Variants in SLC10A6 observed in about 807,000 individuals in gnomAD.
SLC10A6 encodes sodium-dependent organic anion transporter.
A neutral mutation model predicts 30.0 loss-of-function variants in SLC10A6; 27 were observed. The ratio of observed to expected loss-of-function variants is 0.90; its 90% CI spans 0.66 to 1.24. SLC10A6 has a LOEUF of 1.24. SLC10A6 is among the 50% of genes most tolerant of loss of function. The pLI is 0.00. For synonymous variants in SLC10A6, 166 were observed against 173.8 expected, an observed-to-expected ratio of 0.95 and a Z score of 0.36; for missense variants, 439 against 457.0, an observed-to-expected ratio of 0.96 and a Z score of 0.36.
In SLC10A6 at chr4:86,837,287, A is replaced by AAAG. The variant is rs1560460369; in HGVS notation, c.378-3864_378-3863insCTT. 4.9e-4 allele frequency among the ~76,000 whole-genome samples: 35 copies of AAAG among 71,938 alleles called. No homozygotes were observed. In the South Asian group the frequency reaches 0.013, roughly 27 times the overall value. The allele number at this position is 71,938 out of a possible 152,430, so 47.2% of individuals were successfully genotyped here. On this transcript the variant is annotated intron_variant, in intron 1 of 5. Transcript: ENST00000273905. Reference sequence around the variant, plus strand: ...AGAAAGAAAGAAAGAAAGAAAGAAAAAGAAAGGAAGGAAGGAAGGAAGGAA... The same window carrying AAAG: ...AGAAAGAAAGAAAGAAAGAAAGAAAAAAGAGAAAGGAAGGAAGGAAGGAAGGAA...
intron 1 of SLC10A6, among the ~76,000 whole-genome samples, chr4:86,837,292 AGGAAGG>A (rs1409804988): frequency 0.046 from 3,758 of 81,644 alleles, 203 homozygotes; most frequent in Non-Finnish European, 0.061. Flanking sequence ...AGAAAAAGAA[AGGAAGG>A]AAGGAAGGAA....
chr4:86,837,039 C>T (rs561576853), intron 1 of SLC10A6, among the ~76,000 whole-genome samples: 5 of 151,606 alleles, frequency 3.3e-5, no homozygotes, highest in East Asian at 1.9e-4. Flanking sequence ...CCACCACGCC[C>T]GGCCATAATA....
chr4:86,835,264 G>C (rs1217685598), intron 1 of SLC10A6, among the ~76,000 whole-genome samples: 2 of 152,208 alleles, frequency 1.3e-5, no homozygotes, highest in Non-Finnish European at 2.9e-5. Flanking sequence ...GAGCAAGTTG[G>C]TTAGGGCAAG....
intron 4 of SLC10A6, among the ~76,000 whole-genome samples, chr4:86,826,793 C>T (rs1397024709): frequency 6.6e-6 from 1 of 152,098 alleles, no homozygotes; most frequent in Non-Finnish European, 1.5e-5. Flanking sequence ...TAAGCAGTTT[C>T]ACGTCTCCAG....
Position 86,849,299 on chromosome 4 carries a change from T to A in SLC10A6, c.-184A>T. 1.5e-6 allele frequency: 1 copy of A among 660,936 alleles called. No individual in the cohort carries two copies. Among genetic ancestry groups the A allele is most frequent in the Non-Finnish European group, 2.5e-6 (1 of 394,594 alleles). The allele number at this position is 660,936 out of a possible 1,614,324, so 40.9% of individuals were successfully genotyped here. ...TTTTTCACAAGTGGCATTATAAAAGTAATTATCACAGGCATGAAACATATA... is the reference window on the plus strand; with the variant it reads ...TTTTTCACAAGTGGCATTATAAAAGAAATTATCACAGGCATGAAACATATA... On this transcript the variant is annotated 5_prime_UTR_variant, in exon 1 of 6. Coordinates refer to ENST00000273905, the MANE Select transcript of SLC10A6 (RefSeq NM_197965.3).
intron 1 of SLC10A6, among the ~76,000 whole-genome samples, chr4:86,846,448 C>G (rs958189122): frequency 3.9e-5 from 6 of 152,064 alleles, no homozygotes; most frequent in Non-Finnish European, 7.4e-5. Context: ...AGCCAGGCGC[C>G]GTGGCTCACG....
At chr4:86,846,793 T>C (rs1267433829) in intron 1 of SLC10A6, among the ~76,000 whole-genome samples, 2 of 152,112 alleles carry the variant, frequency 1.3e-5, no homozygotes, top group Non-Finnish European at 2.9e-5. Flanking sequence ...ATATATACAG[T>C]CTTGTGAGAA....
chr4:86,823,872 T>A lies in SLC10A6; in HGVS notation c.950A>T (p.Asn317Ile), dbSNP rs1291301245. ...AYQTYKRRLK[N>I]KHGKKNSGCT... ...ACCTGAGTTCTTTTTTCCATGTTTG[T>A]TCTTCAATCTCCTCTTGTACGTCTG... The change falls in exon 6 of 6, where the codon AAC (asparagine) becomes ATC (isoleucine). Residue 317 changes from asparagine to isoleucine, a missense_variant. Asn to Ile is a moderately radical substitution (Grantham distance 149, BLOSUM62 -3). Transcript: ENST00000273905. 1.2e-6 allele frequency: 2 copies of A among 1,613,364 alleles called. No individual in the cohort carries two copies.
intron 1 of SLC10A6, among the ~76,000 whole-genome samples, chr4:86,842,358 G>A (rs74705073): frequency 6.6e-6 from 1 of 152,298 alleles, no homozygotes; most frequent in East Asian, 1.9e-4. Flanking sequence ...CCTTACGGAA[G>A]AATGGACCTC....
chr4:86,833,518 G>A (rs944099856), intron 1 of SLC10A6, 94 bp from the exon 2 acceptor site: 5 of 861,556 alleles, frequency 5.8e-6, no homozygotes, highest in Non-Finnish European at 9.6e-6. Context: ...CAATTTCCTA[G>A]AGATTACATG....
chr4:86,844,972 C>T (rs1746368693), intron 1 of SLC10A6, among the ~76,000 whole-genome samples: 1 of 152,174 alleles, frequency 6.6e-6, no homozygotes, highest in African/African-American at 2.4e-5. Context: ...GACCTGATCA[C>T]TTCCCTCCCT....
At chr4:86,837,330 G>GAAGC in intron 1 of SLC10A6, among the ~76,000 whole-genome samples, 1 of 150,006 alleles carries the variant, frequency 6.7e-6, no homozygotes, top group Non-Finnish European at 1.5e-5. Context: ...AGGAAGGAAG[G>GAAGC]AAGGAAGGAA....
chr4:86,828,238 G>A, intron 3 of SLC10A6, 70 bp from the exon 4 acceptor site: 1 of 1,486,526 alleles, frequency 6.7e-7, no homozygotes, highest in Non-Finnish European at 9.0e-7. Flanking sequence ...AGTCCATCAA[G>A]GTTGTAAAAT....
chr4:86,831,800 T>C lies in SLC10A6; in HGVS notation c.577A>G (p.Ile193Val). The change falls in exon 3 of 6, where the codon ATT (isoleucine) becomes GTT (valine). Residue 193 changes from isoleucine (I) to valine (V), a missense_variant. Physicochemically the swap from Ile to Val is conservative, Grantham distance 29. Transcript: ENST00000273905. ...NYRWPKQSKI[I>V]LKIGAVVGGV... ...GCCATGAAGTCACTCACCTTGAGAA[T>C]GATTTTGGATTGTTTTGGCCATCTG... The C allele has an allele frequency of 6.2e-7, 1 of 1,612,678 alleles. No homozygotes were observed. The highest frequency in any genetic ancestry group is 8.5e-7 in the Non-Finnish European group (1 of 1,179,206).
chr4:86,828,529 C>A (rs182583480), intron 3 of SLC10A6, among the ~76,000 whole-genome samples: 1 of 152,058 alleles, frequency 6.6e-6, no homozygotes, highest in Non-Finnish European at 1.5e-5. Context: ...CACCCCTGCA[C>A]ACACCTCTAT....
intron 1 of SLC10A6, among the ~76,000 whole-genome samples, chr4:86,835,257 C>A (rs1258852092): frequency 6.6e-6 from 1 of 152,188 alleles, no homozygotes; most frequent in Non-Finnish European, 1.5e-5. Context: ...GCAGACAGAG[C>A]AAGTTGGTTA....
chr4:86,847,571 C>A (rs1026761656), intron 1 of SLC10A6, among the ~76,000 whole-genome samples: 1 of 151,108 alleles, frequency 6.6e-6, no homozygotes, highest in African/African-American at 2.4e-5. Flanking sequence ...TTTTTCAAAT[C>A]TCTCATAAGT....
chr4:86,824,128 A>T (rs889160920), intron 5 of SLC10A6, among the ~76,000 whole-genome samples: 1 of 152,252 alleles, frequency 6.6e-6, no homozygotes, highest in African/African-American at 2.4e-5. Context: ...AGGCTCATTC[A>T]TCAGGTTGCT....
chr4:86,848,418 G>A (rs1746428060), intron 1 of SLC10A6, among the ~76,000 whole-genome samples: 1 of 152,188 alleles, frequency 6.6e-6, no homozygotes, highest in Non-Finnish European at 1.5e-5. Flanking sequence ...AGTCCTAGGA[G>A]TTGCTAAAGA....
Sources: allele counts gnomAD v4.1 joint callset (sites outside exome capture counted in the v4.1 genomes callset), GRCh38; gene constraint gnomAD v4.1.1; transcripts MANE v1.5; gene names NCBI Gene and HGNC (gene_info 2026-07-23, HGNC 2026-07-21).